The following MEI1 variants were observed in gnomAD, a reference collection of about 807,000 sequenced individuals.
MEI1 encodes the protein meiosis inhibitor protein 1.
Under a neutral mutation model 146.2 loss-of-function variants are expected in MEI1, and 103 were observed. The ratio of observed to expected loss-of-function variants is 0.70; its 90% confidence interval spans 0.60 to 0.83. The LOEUF is 0.83. Among genes scored for constraint, MEI1 ranks in the 40% least tolerant of loss-of-function variants. MEI1 has a pLI of 0.00. For missense variants in MEI1, 1,529 were observed against 1,533.0 expected, an observed-to-expected ratio of 1.00 and a Z score of 0.04; for synonymous variants, 652 against 628.2, an observed-to-expected ratio of 1.04 and a Z score of -0.57.
chr22:41,714,638 A>T lies in MEI1; in HGVS notation c.423+563A>T, dbSNP rs369782078. On this transcript the variant is annotated intron_variant, in intron 4 of 30. Transcript: ENST00000401548. ...GTAATCCCAGCACTTTGGGAGGCTGAGGTGGGTGGATCACTTGAGGTCAGG... is the reference window on the plus strand; with the variant it reads ...GTAATCCCAGCACTTTGGGAGGCTGTGGTGGGTGGATCACTTGAGGTCAGG... 1.2e-3 allele frequency among the ~76,000 whole-genome samples: 181 copies of T among 151,914 alleles called. 1 individual carries two copies. Among genetic ancestry groups the T allele is most frequent in the African/African-American group, 4.1e-3 (171 of 41,414 alleles).
intron 20 of MEI1, among the ~76,000 whole-genome samples, chr22:41,772,144 G>C (rs892076718): frequency 6.6e-6 from 1 of 152,180 alleles, no homozygotes; most frequent in Non-Finnish European, 1.5e-5. Flanking sequence ...GCATGTTACT[G>C]TACTGAATAT....
At chr22:41,716,211 G>T (rs952312318) in intron 5 of MEI1, 65 bp downstream of exon 5, 1 of 1,148,292 alleles carries the variant, frequency 8.7e-7, no homozygotes, top group Non-Finnish European at 1.3e-6. Flanking sequence ...TGCCATTTGG[G>T]TGTCCCATTC....
intron 4 of MEI1, among the ~76,000 whole-genome samples, chr22:41,715,688 C>G (rs2051987248): frequency 6.6e-6 from 1 of 152,112 alleles, no homozygotes; most frequent in Non-Finnish European, 1.5e-5. Context: ...GCCACCACGC[C>G]TGGCCAACAA....
At chr22:41,715,909 A>C (rs542151791) in intron 4 of MEI1, 132 bp from the exon 5 acceptor site, 1 of 659,590 alleles carries the variant, frequency 1.5e-6, no homozygotes, top group East Asian at 2.9e-5. Flanking sequence ...CACTAAGCTA[A>C]AAAAGCTGAT....
intron 1 of MEI1, among the ~76,000 whole-genome samples, chr22:41,700,550 C>G (rs1337071621): frequency 6.6e-5 from 10 of 151,770 alleles, no homozygotes; most frequent in Admixed American, 6.6e-4. Context: ...AGGCTGGTCT[C>G]GAACTCTTGA....
intron 3 of MEI1, among the ~76,000 whole-genome samples, chr22:41,708,354 G>T (rs961646423): frequency 6.6e-6 from 1 of 150,492 alleles, no homozygotes; most frequent in Non-Finnish European, 1.5e-5. Flanking sequence ...ACTGGTCAGG[G>T]TTTTTACATG....
At chr22:41,756,791 G>A (rs2074117543) in intron 17 of MEI1, among the ~76,000 whole-genome samples, 1 of 152,098 alleles carries the variant, frequency 6.6e-6, no homozygotes, top group South Asian at 2.1e-4. Context: ...CTGTTCTTTT[G>A]GTATTAAAAT....
At chr22:41,726,176 G>T (rs1452709194) in intron 7 of MEI1, among the ~76,000 whole-genome samples, 1 of 152,174 alleles carries the variant, frequency 6.6e-6, no homozygotes, top group African/African-American at 2.4e-5. Flanking sequence ...TATTTGGGAG[G>T]CTGAGGCAGG....
intron 11 of MEI1, among the ~76,000 whole-genome samples, chr22:41,737,634 T>C (rs1221689955): frequency 2.0e-5 from 3 of 151,996 alleles, no homozygotes; most frequent in Admixed American, 6.6e-5. Flanking sequence ...CTCTGCCTTC[T>C]GGGTTCAAGC....
chr22:41,745,002 G>C lies in MEI1; in HGVS notation c.1476G>C (p.Lys492Asn), dbSNP rs754958202. Residue 492 changes from lysine to asparagine, a missense_variant, in exon 13 of 31, where the codon AAG (lysine) becomes AAC (asparagine). Physicochemically the swap from Lys to Asn is moderately conservative, Grantham distance 94 (BLOSUM62 0). Transcript: ENST00000401548. ...LGHASSRDSE[K>N]AILQRGKFLL... ...ATGCCTCCAGTAGAGATTCAGAGAA[G>C]GCCATTCTTCAAAGGGGAAAGTTCC... The C allele has an allele frequency of 1.3e-5, 20 of 1,563,654 alleles. No homozygotes were observed. Among genetic ancestry groups the C allele is most frequent in the Non-Finnish European group, 1.7e-5 (20 of 1,153,394 alleles).
chr22:41,757,602 C>A (rs1464189483), intron 17 of MEI1, among the ~76,000 whole-genome samples: 1 of 152,042 alleles, frequency 6.6e-6, no homozygotes, highest in African/African-American at 2.4e-5. Context: ...GGTGATATAC[C>A]CTCCTCAGCC....
rs1459633906 is a variant in MEI1, at chr22:41,763,244, C to A, written c.2191C>A (p.Arg731Ser). Residue 731 changes from arginine (R) to serine (S), a missense_variant, in exon 19 of 31, where the codon CGC (arginine) becomes AGC (serine). Around this residue, in one of 3 missense-constraint regions of MEI1, gnomAD observed 1,212 missense variants for 1,178.9 expected, o/e 1.03. Coordinates refer to ENST00000401548, the MANE Select transcript of MEI1 (RefSeq NM_152513.4). ...CCTGTCGCTGCAGGACCAGGGCGAGCGCCCCCCACTGGTGGTCTTCAAAGC... is the reference window on the plus strand; with the variant it reads ...CCTGTCGCTGCAGGACCAGGGCGAGAGCCCCCCACTGGTGGTCTTCAAAGC... ...FLLSLQDQGE[R>S]PPLVVFKASI... 1.2e-6 allele frequency: 2 copies of A among 1,613,738 alleles called. No individual in the cohort carries two copies. The highest frequency in any genetic ancestry group is 1.3e-5 in the African/African-American group (1 of 74,922).
chr22:41,746,048 G>T (rs1470906066), intron 14 of MEI1, 22 bp downstream of exon 14: 4 of 1,558,678 alleles, frequency 2.6e-6, no homozygotes, highest in Non-Finnish European at 3.5e-6. Context: ...TGAGCCACGG[G>T]CAACATGAAG....
chr22:41,795,631 A>C lies in MEI1; in HGVS notation c.3666+89A>C. The C allele has an allele frequency of 6.3e-7, 1 of 1,597,442 alleles. No individual in the cohort carries two copies. Among genetic ancestry groups the C allele is most frequent in the South Asian group, 1.1e-5 (1 of 89,584 alleles). On this transcript the variant is annotated intron_variant, in intron 29 of 30. Transcript: ENST00000401548. This position sits in a 1 kb window ranked among gnomAD's most constrained non-coding sequence, Gnocchi z 4.2. ...GGAGGGTGGGAGCTCTGGCCACAGCAACCAAGGAATGGGAGGAGGGAAGTA... is the reference window on the plus strand; with the variant it reads ...GGAGGGTGGGAGCTCTGGCCACAGCCACCAAGGAATGGGAGGAGGGAAGTA...
intron 26 of MEI1, among the ~76,000 whole-genome samples, chr22:41,789,204 T>G (rs945137961): frequency 2.0e-5 from 3 of 152,050 alleles, no homozygotes; most frequent in African/African-American, 7.2e-5. Context: ...CCCAGCTACT[T>G]GGGAGGCCAA....
At chr22:41,707,586 A>G (rs1158165865) in intron 3 of MEI1, among the ~76,000 whole-genome samples, 1 of 152,166 alleles carries the variant, frequency 6.6e-6, no homozygotes, top group Non-Finnish European at 1.5e-5. Flanking sequence ...AGGTGAGAGG[A>G]TCACTTGAGC....
rs1014096094 is a variant in MEI1, at chr22:41,770,973, C to T, written c.2544+12C>T. 6.2e-7 allele frequency: 1 copy of T among 1,610,644 alleles called. No individual in the cohort carries two copies. Among genetic ancestry groups the T allele is most frequent in the South Asian group, 1.1e-5 (1 of 90,740 alleles). On this transcript the variant is annotated intron_variant, in intron 20 of 30. Transcript: ENST00000401548. ...TGCTCATCTTGCTGGTAGGCAACCACTCATTCATTTCTACATTCAGAAATC... is the reference window on the plus strand; with the variant it reads ...TGCTCATCTTGCTGGTAGGCAACCATTCATTCATTTCTACATTCAGAAATC...
At chr22:41,743,226 A>G (rs1032385540) in intron 12 of MEI1, 32 bp downstream of exon 12, 34 of 1,486,306 alleles carry the variant, frequency 2.3e-5, no homozygotes, top group Non-Finnish European at 3.2e-5. Context: ...GCTTCCGAAG[A>G]TCATGCTGCA....
At chr22:41,748,804 G>A (rs2073524236) in intron 15 of MEI1, among the ~76,000 whole-genome samples, 1 of 151,216 alleles carries the variant, frequency 6.6e-6, no homozygotes, top group Non-Finnish European at 1.5e-5. Context: ...TGTAGAACAT[G>A]CTTTTTTTTT....
Sources: allele counts gnomAD v4.1 joint callset (sites outside exome capture counted in the v4.1 genomes callset), GRCh38; gene constraint gnomAD v4.1.1; regional missense constraint gnomAD v4.1.1; non-coding constraint Gnocchi (gnomAD v3.1); transcripts MANE v1.5; gene names NCBI Gene and HGNC (gene_info 2026-07-23, HGNC 2026-07-21).